CD28: variants seen among roughly 807,000 people sequenced by gnomAD.
The protein encoded by CD28 is T-cell-specific surface glycoprotein CD28.
A neutral mutation model predicts 21.4 loss-of-function variants in CD28; 8 were observed. That is an observed-to-expected ratio of 0.37 (90% confidence interval 0.22 to 0.68). The LOEUF (loss-of-function observed/expected upper bound fraction) is 0.68, where lower values mean the gene tolerates loss of function less well. CD28 is among the 30% of genes least tolerant of loss of function. CD28 has a pLI of 0.55. For synonymous variants in CD28, 106 were observed against 104.0 expected (o/e 1.02, Z -0.12); for missense variants, 239 against 272.2 (o/e 0.88, Z 0.86).
At chr2:203,717,659 A>G (rs1693496249) in intron 1 of CD28, among the ~76,000 whole-genome samples, 1 of 152,212 alleles carries the variant, frequency 6.6e-6, no homozygotes, top group Non-Finnish European at 1.5e-5. Context: ...GGATTCAATG[A>G]ACCATGGATC....
intron 1 of CD28, among the ~76,000 whole-genome samples, chr2:203,719,244 CT>C (rs147512678): frequency 3.3e-5 from 5 of 152,038 alleles, no homozygotes; most frequent in African/African-American, 7.2e-5. Flanking sequence ...TACTTCTTCT[CT>C]TTTTTTCCCC....
chr2:203,737,976 A>C lies in CD28; in HGVS notation c.*3064A>C, dbSNP rs1694082085. The C allele has an allele frequency of 6.6e-6, 1 of 152,212 alleles. No individual in the cohort carries two copies. The highest frequency in any genetic ancestry group is 2.1e-4 in the South Asian group (1 of 4,834). The allele number at this position is 152,212 out of a possible 1,614,324, so 9.4% of individuals were successfully genotyped here. A position where few individuals can be genotyped will look rare whatever the true frequency, so the allele number is the denominator to read the frequency against. On this transcript the variant is annotated 3_prime_UTR_variant, in exon 4 of 4. Coordinates refer to ENST00000324106, the MANE Select transcript of CD28 (RefSeq NM_006139.4). Reference sequence around the variant, plus strand: ...GAGGTGTGGGGTAAATCCTTGTATAAATCTCCAGTTTAGCCTTTTTTGAAA... The same window carrying C: ...GAGGTGTGGGGTAAATCCTTGTATACATCTCCAGTTTAGCCTTTTTTGAAA...
intron 1 of CD28, among the ~76,000 whole-genome samples, chr2:203,708,224 C>T (rs375576413): frequency 1.3e-5 from 2 of 152,040 alleles, no homozygotes; most frequent in Admixed American, 6.5e-5. Flanking sequence ...TATGGTCTGA[C>T]GTACCAGTGA....
chr2:203,718,727 T>G (rs1250530622), intron 1 of CD28, among the ~76,000 whole-genome samples: 1 of 152,204 alleles, frequency 6.6e-6, no homozygotes, highest in Non-Finnish European at 1.5e-5. Flanking sequence ...GTTTTATTTC[T>G]CTATGGTGCT....
chr2:203,725,387 T>G (rs114134142), intron 1 of CD28, among the ~76,000 whole-genome samples: 1,817 of 152,158 alleles, frequency 0.012, 35 homozygotes, highest in African/African-American at 0.042. Flanking sequence ...TCTCAGGTGG[T>G]CATAGCCAAC....
rs10179819 is a variant in CD28 at position 203,716,949 on chromosome 2, G to C, written c.53-9684G>C. On this transcript the variant is annotated intron_variant, in intron 1 of 3. Coordinates refer to ENST00000324106, the MANE Select transcript of CD28 (RefSeq NM_006139.4). The stretch of plus-strand genomic sequence containing the variant: ...GGGCTCAAGTGATCCTCCCACCTCA[G>C]CCTCCCAAGGAGCTGGGACTACAGG... 4.5e-3 allele frequency among the ~76,000 whole-genome samples: 679 copies of C among 152,172 alleles called. 5 individuals carry two copies. The highest frequency in any genetic ancestry group is 0.015 in the African/African-American group (636 of 41,506).
intron 1 of CD28, among the ~76,000 whole-genome samples, chr2:203,717,044 G>A (rs879737467): frequency 2.0e-5 from 3 of 151,988 alleles, no homozygotes; most frequent in Non-Finnish European, 4.4e-5. Context: ...ATGGGGTCTC[G>A]CCATGTTGCC....
rs532237081 is a variant in CD28, at chr2:203,738,191, C to T, written c.*3279C>T. 6.6e-6 allele frequency: 1 copy of T among 152,240 alleles called. No individual in the cohort carries two copies. The highest frequency in any genetic ancestry group is 1.9e-4 in the East Asian group (1 of 5,166). The allele number at this position is 152,240 out of a possible 1,614,324, so 9.4% of individuals were successfully genotyped here. On this transcript the variant is annotated 3_prime_UTR_variant, in exon 4 of 4. Coordinates refer to ENST00000324106, the MANE Select transcript of CD28 (RefSeq NM_006139.4). ...CAGAGATCCAACTTCAGCCTTGACC[C>T]CATCAGTCCCTCGGGTTAACTAACT...
rs1166531543 is a variant in CD28, at chr2:203,735,516, T to C, written c.*604T>C. ...CATTGTCTTTTATGAATTCTGATCA[T>C]ATTTAGTCATTTTGACCAAATGAGG... On this transcript the variant is annotated 3_prime_UTR_variant, in exon 4 of 4. Transcript: ENST00000324106. The C allele has an allele frequency of 6.5e-6, 1 of 152,766 alleles. No homozygotes were observed. The highest frequency in any genetic ancestry group is 1.5e-5 in the Non-Finnish European group (1 of 68,156). 9.5% of individuals were successfully genotyped at this position (152,766 alleles called of 1,614,324 possible).
Position 203,737,716 on chromosome 2 carries a change from G to A in CD28, c.*2804G>A, listed in dbSNP as rs1258194998. On this transcript the variant is annotated 3_prime_UTR_variant, in exon 4 of 4. Transcript: ENST00000324106. Reference sequence around the variant, plus strand: ...TATTGTAAGAGTCTTATAATTAATGGTACTCCTATAATTTTTGATTGTGAG... The same window carrying A: ...TATTGTAAGAGTCTTATAATTAATGATACTCCTATAATTTTTGATTGTGAG... 1.3e-5 allele frequency: 2 copies of A among 152,498 alleles called. No homozygotes were observed. The highest frequency in any genetic ancestry group is 2.9e-5 in the Non-Finnish European group (2 of 68,022). The allele number at this position is 152,498 out of a possible 1,614,324, so 9.4% of individuals were successfully genotyped here. A position where few individuals can be genotyped will look rare whatever the true frequency, so the allele number is the denominator to read the frequency against.
chr2:203,724,693 T>C (rs1053991491), intron 1 of CD28, among the ~76,000 whole-genome samples: 1 of 152,200 alleles, frequency 6.6e-6, no homozygotes, highest in African/African-American at 2.4e-5. Flanking sequence ...GCCAGCATTA[T>C]TGATTATATA....
chr2:203,727,030 G>A (rs200368593), intron 2 of CD28, 41 bp downstream of exon 2: 3 of 1,252,178 alleles, frequency 2.4e-6, no homozygotes, highest in Middle Eastern at 2.3e-4. Flanking sequence ...TAAAGTAATG[G>A]TTTTCAAATG....
intron 1 of CD28, among the ~76,000 whole-genome samples, chr2:203,707,186 T>TTTCTTTC (rs1559548389): frequency 5.9e-5 from 9 of 151,610 alleles, no homozygotes; most frequent in African/African-American, 1.9e-4. Context: ...TTCTTTCTTT[T>TTTCTTTC]TTTTTTTAAT....
At position 203,726,847 on chromosome 2, in the gene CD28, A is replaced by G. The variant is rs201799074; in HGVS notation, c.267A>G (p.Lys89=). ...AAACGGGGTTCAACTGTGATGGGAA[A>G]TTGGGCAATGAATCAGTGACATTCT... is the stretch of plus-strand genomic sequence containing the variant. ...YSKTGFNCDG[K]LGNESVTFYL... Residue 89 remains lysine (K), a synonymous_variant, in exon 2 of 4, where the codon AAA becomes AAG. Coordinates refer to ENST00000324106, the MANE Select transcript of CD28 (RefSeq NM_006139.4). 1 of 1,614,154 alleles carries G rather than the reference A, an allele frequency of 6.2e-7. No individual in the cohort carries two copies. The highest frequency in any genetic ancestry group is 8.5e-7 in the Non-Finnish European group (1 of 1,179,990).
At chr2:203,710,054 T>C (rs562303798) in intron 1 of CD28, among the ~76,000 whole-genome samples, 1 of 152,368 alleles carries the variant, frequency 6.6e-6, no homozygotes, top group African/African-American at 2.4e-5. Flanking sequence ...GAGCTGGTTG[T>C]ATACGGAAAG....
chr2:203,735,255 C>T lies in CD28; in HGVS notation c.*343C>T, dbSNP rs1694001842. 4.0e-6 allele frequency: 1 copy of T among 250,920 alleles called. No homozygotes were observed. The highest frequency in any genetic ancestry group is 1.1e-4 in the East Asian group (1 of 9,344). The allele number at this position is 250,920 out of a possible 1,614,324, so 15.5% of individuals were successfully genotyped here. A position where few individuals can be genotyped will look rare whatever the true frequency, so the allele number is the denominator to read the frequency against. ...TTCTCACTCACCTGCACATCTCAGTCAAGCAAAGTGTGGTATCCACAGACA... is the reference window on the plus strand; with the variant it reads ...TTCTCACTCACCTGCACATCTCAGTTAAGCAAAGTGTGGTATCCACAGACA... On this transcript the variant is annotated 3_prime_UTR_variant, in exon 4 of 4. Coordinates refer to ENST00000324106, the MANE Select transcript of CD28 (RefSeq NM_006139.4).
In CD28 at chr2:203,737,911, C is replaced by T. The variant is rs754450282; in HGVS notation, c.*2999C>T. The T allele has an allele frequency of 2.0e-5, 3 of 152,406 alleles. No homozygotes were observed. Among genetic ancestry groups the T allele is most frequent in the Non-Finnish European group, 2.9e-5 (2 of 68,034 alleles). The allele number at this position is 152,406 out of a possible 1,614,324, so 9.4% of individuals were successfully genotyped here. A position where few individuals can be genotyped will look rare whatever the true frequency, so the allele number is the denominator to read the frequency against. On this transcript the variant is annotated 3_prime_UTR_variant, in exon 4 of 4. Transcript: ENST00000324106. The stretch of plus-strand genomic sequence containing the variant: ...ATATGCTTTCAGAATAGATATGCTT[C>T]GCTTTGGCAAGGAATTTGGATAGAA...
intron 1 of CD28, among the ~76,000 whole-genome samples, chr2:203,710,174 C>A (rs1251106888): frequency 6.6e-6 from 1 of 152,178 alleles, no homozygotes; most frequent in Admixed American, 6.5e-5. Flanking sequence ...ACATGACTTC[C>A]AATATGCTGT....
chr2:203,729,526 C>T, intron 2 of CD28, 122 bp from the exon 3 acceptor site: 1 of 1,046,944 alleles, frequency 9.6e-7, no homozygotes. Flanking sequence ...TCTATTCACT[C>T]TAAGCTGGTG....
Sources: allele counts gnomAD v4.1 joint callset (sites outside exome capture counted in the v4.1 genomes callset), GRCh38; gene constraint gnomAD v4.1.1; transcripts MANE v1.5; gene names NCBI Gene and HGNC (gene_info 2026-07-23, HGNC 2026-07-21).